The following C10orf67 variants were observed in gnomAD, a reference collection of about 807,000 sequenced individuals.
C10orf67 encodes the protein chromosome 10 open reading frame 67.
In C10orf67, 60 loss-of-function variants were observed where a neutral mutation model predicts 35.6. The observed-to-expected ratio is 1.68, with a 90% CI of 1.37 to 2.09. C10orf67 has a LOEUF of 2.09. C10orf67 is among the 30% of genes most tolerant of loss of function. The pLI, the probability that C10orf67 is intolerant of heterozygous loss-of-function variation, is 0.00. For missense variants in C10orf67, 474 were observed against 330.2 expected, an observed-to-expected ratio of 1.44 and a Z score of -3.38; for synonymous variants, 167 against 115.8, an observed-to-expected ratio of 1.44 and a Z score of -2.84.
intron 15 of C10orf67, among the ~76,000 whole-genome samples, chr10:23,222,009 G>A (rs898300155): frequency 1.3e-5 from 2 of 152,278 alleles, no homozygotes; most frequent in Admixed American, 1.3e-4. Context: ...CTCCTCTACA[G>A]TGCTGATTAA....
intron 1 of C10orf67, among the ~76,000 whole-genome samples, chr10:23,342,764 A>G (rs1845953249): frequency 6.6e-6 from 1 of 152,170 alleles, no homozygotes; most frequent in South Asian, 2.1e-4. Flanking sequence ...AAACGTACCC[A>G]TTGAATACAG....
chr10:23,311,233 C>A (rs1486829535), intron 4 of C10orf67, among the ~76,000 whole-genome samples: 2 of 152,172 alleles, frequency 1.3e-5, no homozygotes, highest in Non-Finnish European at 2.9e-5. Flanking sequence ...GGGTGGCTTA[C>A]TAAAAAATGT....
intron 4 of C10orf67, chr10:23,318,671 G>GAGTCAC: frequency 2.0e-6 from 1 of 506,234 alleles, no homozygotes; most frequent in South Asian, 3.0e-5. Context: ...GTTTGGCACA[G>GAGTCAC]AGTCACAGAG....
chr10:23,293,975 T>C (rs1027909720), intron 5 of C10orf67, among the ~76,000 whole-genome samples: 1 of 152,204 alleles, frequency 6.6e-6, no homozygotes, highest in Non-Finnish European at 1.5e-5. Flanking sequence ...AGGTGATGCA[T>C]GTGAGCAGTA....
chr10:23,296,035 TAA>T (rs1416540637), intron 5 of C10orf67, among the ~76,000 whole-genome samples: 1 of 152,220 alleles, frequency 6.6e-6, no homozygotes, highest in African/African-American at 2.4e-5. Context: ...AAGTTTTAAA[TAA>T]GAGTACTAGT....
At position 23,304,219 on chromosome 10, in the gene C10orf67, T is replaced by A. The variant is rs73602523; in HGVS notation, c.547-760A>T. On this transcript the variant is annotated intron_variant, in intron 4 of 15. Coordinates refer to ENST00000636213, the MANE Select transcript of C10orf67 (RefSeq NM_001371909.1). ...AGAAGCAGGTTGGCTGACCTCAGTC[T>A]CACAGCAGATCTTGAAACAGCCCTT... Among the ~76,000 whole-genome samples, 902 of 152,304 alleles carry A rather than the reference T, an allele frequency of 5.9e-3. 8 individuals are homozygous for A. The highest frequency in any genetic ancestry group is 0.021 in the African/African-American group (858 of 41,572).
intron 5 of C10orf67, among the ~76,000 whole-genome samples, chr10:23,297,736 A>G (rs1350262008): frequency 6.6e-6 from 1 of 152,218 alleles, no homozygotes; most frequent in Non-Finnish European, 1.5e-5. Flanking sequence ...TGTCTGGAAG[A>G]AATGTGGCTG....
chr10:23,230,240 C>A lies in C10orf67; in HGVS notation c.1435-6422G>T, dbSNP rs186023582. 1.4e-4 allele frequency among the ~76,000 whole-genome samples: 22 copies of A among 152,066 alleles called. No individual in the cohort carries two copies. In the East Asian group the frequency reaches 4.1e-3, roughly 28 times the overall value. ...AGACAGACTTTTTATTAAATGGATA[C>A]TTCAGATGGTTATTTATAATAAAAG... On this transcript the variant is annotated intron_variant, in intron 13 of 15. Transcript: ENST00000636213.
intron 15 of C10orf67, among the ~76,000 whole-genome samples, chr10:23,218,130 CT>C (rs1841479032): frequency 6.6e-6 from 1 of 151,996 alleles, no homozygotes; most frequent in Non-Finnish European, 1.5e-5. Flanking sequence ...GAGAGACAGG[CT>C]GCTGATCTTC....
intron 10 of C10orf67, among the ~76,000 whole-genome samples, chr10:23,257,214 AC>A (rs1176133258): frequency 6.6e-6 from 1 of 152,170 alleles, no homozygotes; most frequent in African/African-American, 2.4e-5. Context: ...AGGCGAGTGA[AC>A]TGCCCCAGGG....
chr10:23,301,463 A>C (rs1288082117), intron 5 of C10orf67, among the ~76,000 whole-genome samples: 1 of 152,218 alleles, frequency 6.6e-6, no homozygotes, highest in African/African-American at 2.4e-5. Context: ...ATAGGACAGA[A>C]TAGCAAGCGA....
chr10:23,256,788 A>T (rs893568462), intron 10 of C10orf67, among the ~76,000 whole-genome samples: 8 of 152,120 alleles, frequency 5.3e-5, no homozygotes, highest in Non-Finnish European at 1.0e-4. Context: ...GGAGGGGATC[A>T]GCAGCTACTA....
intron 13 of C10orf67, among the ~76,000 whole-genome samples, chr10:23,234,757 G>A (rs1344362575): frequency 6.6e-6 from 1 of 151,388 alleles, no homozygotes; most frequent in Non-Finnish European, 1.5e-5. Flanking sequence ...GCTCACGCCT[G>A]TAATCCCAGC....
chr10:23,267,158 A>G, intron 9 of C10orf67, 37 bp downstream of exon 9: 2 of 697,056 alleles, frequency 2.9e-6, no homozygotes, highest in Non-Finnish European at 5.3e-6. Context: ...GCACAAAATA[A>G]AAGAGAAAGA....
At position 23,236,819 on chromosome 10, in the gene C10orf67, G is replaced by T. The variant is rs964687582; in HGVS notation, c.1434+2910C>A. Among the ~76,000 whole-genome samples the T allele has an allele frequency of 2.0e-5, 3 of 152,206 alleles. No homozygotes were observed. In the East Asian group the frequency reaches 5.8e-4, roughly 29 times the overall value. ...TTAAACCTGGGAGGTGGAGGTTGCA[G>T]TGAGCCAAGATCGTGCCATTGTACT... On this transcript the variant is annotated intron_variant, in intron 13 of 15. Coordinates refer to ENST00000636213, the MANE Select transcript of C10orf67 (RefSeq NM_001371909.1).
At chr10:23,323,905 A>ATG (rs1274310846) in intron 2 of C10orf67, among the ~76,000 whole-genome samples, 7 of 13,184 alleles carry the variant, frequency 5.3e-4, no homozygotes, top group Non-Finnish European at 8.4e-4. Context: ...ATATATATAT[A>ATG]TATATATATA....
chr10:23,324,334 T>C (rs1030785256), intron 2 of C10orf67, among the ~76,000 whole-genome samples: 1 of 152,148 alleles, frequency 6.6e-6, no homozygotes, highest in Non-Finnish European at 1.5e-5. Flanking sequence ...TCAGGTTCTA[T>C]GAATCTGGAG....
intron 13 of C10orf67, among the ~76,000 whole-genome samples, chr10:23,236,253 G>GGAA: frequency 1.3e-5 from 1 of 75,804 alleles, no homozygotes; most frequent in African/African-American, 6.0e-5. Context: ...CCTCTCGGGG[G>GGAA]AAAAAAAAAA....
intron 5 of C10orf67, among the ~76,000 whole-genome samples, chr10:23,297,271 C>CCTTTCCTTTCCTTTCTT (rs1843914964): frequency 6.7e-6 from 1 of 148,444 alleles, no homozygotes; most frequent in Non-Finnish European, 1.5e-5. Context: ...CCTTTCCTTT[C>CCTTTCCTTTCCTTTCTT]TGATGACCCC....
Sources: gnomAD v4.1 joint callset for allele counts (sites outside exome capture counted in the v4.1 genomes callset) on GRCh38, gnomAD v4.1.1 for gene constraint, MANE v1.5 for transcripts, NCBI Gene and HGNC (gene_info 2026-07-23, HGNC 2026-07-21) for gene names.